The following COL3A1 variants were observed in gnomAD, a reference collection of about 807,000 sequenced individuals.
The protein encoded by COL3A1 is collagen type III alpha 1 chain, also known as collagen alpha-1(III) chain.
A neutral mutation model predicts 200.9 loss-of-function variants in COL3A1; 46 were observed. The ratio of observed to expected loss-of-function variants is 0.23; its 90% CI spans 0.18 to 0.29. The LOEUF (loss-of-function observed/expected upper bound fraction) is 0.29, where lower values mean the gene tolerates loss of function less well. Ranked by LOEUF, COL3A1 falls within the 10% of genes least tolerant of loss-of-function variation. COL3A1 has a pLI of 1.00. For missense variants in COL3A1, 1,367 were observed against 1,917.6 expected (o/e 0.71, Z 5.36); for synonymous variants, 650 against 628.0 (o/e 1.03, Z -0.52).
rs1001916364 is a variant in COL3A1 at position 188,994,813 on chromosome 2, A to G, written c.1437A>G (p.Pro479=). 18 of 1,613,484 alleles carry G rather than the reference A, an allele frequency of 1.1e-5. No individual in the cohort carries two copies. The highest frequency in any genetic ancestry group is 1.7e-5 in the Admixed American group (1 of 59,980). ...GAGAACCTGGTGCAAATGGGCTTCC[A>G]GGAGCTGCAGGAGAAAGGGTACGTT... ...SPGEPGANGL[P]GAAGERGAPG... Residue 479 remains proline, a synonymous_variant, in exon 20 of 51, where the codon CCA becomes CCG. Transcript: ENST00000304636. The surrounding 1 kb of genome is among the most constrained non-coding windows in gnomAD (Gnocchi z 4.5).
At position 188,993,341 on chromosome 2, in the gene COL3A1, A is replaced by G. The variant is rs1458026599; in HGVS notation, c.1051-20A>G. On this transcript the variant is annotated intron_variant, in intron 15 of 50. Transcript: ENST00000304636. ...GTAGAAGTGGTAAGAGAAACTGACT[A>G]CACAAGGTTTTACCATTAGGGTGAA... 5 of 1,551,190 alleles carry G rather than the reference A, an allele frequency of 3.2e-6. No individual in the cohort carries two copies. The African/African-American group carries it at 6.8e-5, about 21-fold the overall frequency.
intron 40 of COL3A1, 57 bp from the exon 41 acceptor site, chr2:189,005,293 C>G (rs1688560327): frequency 7.1e-7 from 1 of 1,399,580 alleles, no homozygotes; most frequent in Admixed American, 1.7e-5. Flanking sequence ...TCTGATAACA[C>G]CATTTTAATT....
chr2:189,010,918 C>T, intron 50 of COL3A1, 28 bp downstream of exon 50: 2 of 1,613,440 alleles, frequency 1.2e-6, no homozygotes, highest in Non-Finnish European at 1.7e-6. Context: ...CAATATAGGT[C>T]ATAAAGCAGT....
chr2:188,985,346 C>A, intron 3 of COL3A1, 99 bp downstream of exon 3: 1 of 920,218 alleles, frequency 1.1e-6, no homozygotes, highest in Non-Finnish European at 1.8e-6. Context: ...ACATTCTCTT[C>A]ATTACCACAT....
At chr2:188,990,066 C>G in intron 8 of COL3A1, 30 bp from the exon 9 acceptor site, 2 of 1,601,532 alleles carry the variant, frequency 1.2e-6, no homozygotes. Flanking sequence ...CATACATGAG[C>G]ACCTACGTAT....
At chr2:189,010,086 C>G in intron 48 of COL3A1, 92 bp from the exon 49 acceptor site, 1 of 1,229,800 alleles carries the variant, frequency 8.1e-7, no homozygotes, top group Non-Finnish European at 1.2e-6. Flanking sequence ...CATTAGCAGT[C>G]AACATTATGA....
At chr2:189,010,973 T>C (rs1244691186) in intron 50 of COL3A1, 83 bp downstream of exon 50, 5 of 1,512,230 alleles carry the variant, frequency 3.3e-6, no homozygotes, top group Non-Finnish European at 2.7e-6. Context: ...ATAGAATAAA[T>C]AAAATTAATA....
At position 189,009,021 on chromosome 2, in the gene COL3A1, T is replaced by C. The variant is rs2153504091; in HGVS notation, c.3623T>C (p.Ile1208Thr). 6.2e-7 allele frequency: 1 copy of C among 1,614,160 alleles called. No homozygotes were observed. Among genetic ancestry groups the C allele is most frequent in the Non-Finnish European group, 8.5e-7 (1 of 1,180,024 alleles). The change falls in exon 48 of 51, where the codon ATT becomes ACT. Residue 1208 changes from isoleucine (I) to threonine (T), a missense_variant. This residue lies in a region of COL3A1 where 846 missense variants were observed against 1,147.9 expected (regional missense o/e 0.74). Coordinates refer to ENST00000304636, the MANE Select transcript of COL3A1 (RefSeq NM_000090.4). ...GGVGAAAIAG[I>T]GGEKAGGFAP... is the part of the protein sequence containing the mutation. ...GTTGGAGCCGCTGCCATTGCTGGGA[T>C]TGGAGGTGAAAAAGCTGGCGGTTTT...
At chr2:188,998,403 T>G in intron 28 of COL3A1, 84 bp downstream of exon 28, 2 of 1,205,232 alleles carry the variant, frequency 1.7e-6, no homozygotes, top group South Asian at 2.6e-5. Context: ...CTTAATTTTC[T>G]TATGCCATGA....
intron 1 of COL3A1, among the ~76,000 whole-genome samples, chr2:188,976,383 A>C (rs7567045): frequency 0.071 from 10,856 of 152,132 alleles, 1,315 homozygotes; most frequent in African/African-American, 0.25. Context: ...AATAAGTATA[A>C]AATTTTGCTG....
At chr2:188,981,967 G>A (rs1687962728) in intron 1 of COL3A1, among the ~76,000 whole-genome samples, 1 of 151,604 alleles carries the variant, frequency 6.6e-6, no homozygotes, top group Non-Finnish European at 1.5e-5. Flanking sequence ...TCTCAGGAGA[G>A]CCAAATTTAT....
chr2:189,009,159 C>T lies in COL3A1; in HGVS notation c.3761C>T (p.Ser1254Phe), dbSNP rs1246367607. The change falls in exon 48 of 51, where the codon TCT becomes TTT. Residue 1254 changes from serine to phenylalanine, a missense_variant. Ser to Phe is a radical substitution (Grantham distance 155, BLOSUM62 -2). This residue lies in a region of COL3A1 where 846 missense variants were observed against 1,147.9 expected (regional missense o/e 0.74). Coordinates refer to ENST00000304636, the MANE Select transcript of COL3A1 (RefSeq NM_000090.4). Reference sequence around the variant, plus strand: ...GAAAGCCTCATTAGTCCTGATGGTTCTCGTAAAAACCCCGCTAGAAACTGC... The same window carrying T: ...GAAAGCCTCATTAGTCCTGATGGTTTTCGTAAAAACCCCGCTAGAAACTGC... ...QIESLISPDGSRKNPARNCRD... is the reference protein window; with the variant it reads ...QIESLISPDGFRKNPARNCRD... 1.2e-6 allele frequency: 2 copies of T among 1,614,196 alleles called. No homozygotes were observed. The highest frequency in any genetic ancestry group is 1.7e-5 in the Admixed American group (1 of 60,016).
chr2:188,994,447 T>G lies in COL3A1; in HGVS notation c.1294-94T>G. 1 of 1,571,934 alleles carries G rather than the reference T, an allele frequency of 6.4e-7. No individual in the cohort carries two copies. The highest frequency in any genetic ancestry group is 8.8e-7 in the Non-Finnish European group (1 of 1,142,856). ...GTTGAATTTATATTGACTTCACTCT[T>G]GTCTTATAACTTATAACTGAATTAT... On this transcript the variant is annotated intron_variant, in intron 18 of 50. Transcript: ENST00000304636. The surrounding 1 kb of genome is among the most constrained non-coding windows in gnomAD (Gnocchi z 4.5).
chr2:189,005,309 C>T (rs762235577), intron 40 of COL3A1, 41 bp from the exon 41 acceptor site: 2 of 1,534,570 alleles, frequency 1.3e-6, no homozygotes, highest in Non-Finnish European at 1.8e-6. Flanking sequence ...TAATTGATTT[C>T]TTAAGTTGAA....
Position 188,994,593 on chromosome 2 carries a change from G to A in COL3A1, c.1346G>A (p.Arg449His), listed in dbSNP as rs888082655. 9.3e-6 allele frequency: 15 copies of A among 1,613,994 alleles called. No homozygotes were observed. The highest frequency in any genetic ancestry group is 4.5e-5 in the East Asian group (2 of 44,898). The stretch of plus-strand genomic sequence containing the variant: ...GGAGAGCCCGGACCACGTGGTGAAC[G>A]CGTAAGTTTTACTGCAACAGATCTG... ...AKGEPGPRGE[R>H]GEAGIPGVPG... The change falls in exon 19 of 51, where the codon CGC becomes CAC. Residue 449 changes from arginine (R) to histidine (H), a missense_variant and splice_region_variant. Physicochemically the swap from Arg to His is conservative, Grantham distance 29 (BLOSUM62 0). Coordinates refer to ENST00000304636, the MANE Select transcript of COL3A1 (RefSeq NM_000090.4). This position sits in a 1 kb window ranked among gnomAD's most constrained non-coding sequence, Gnocchi z 4.5.
At chr2:189,009,366 A>G (rs1287216680) in intron 48 of COL3A1, 145 bp downstream of exon 48, 13 of 962,898 alleles carry the variant, frequency 1.4e-5, no homozygotes, top group East Asian at 5.2e-5. Flanking sequence ...ACTGCTTGAT[A>G]TAAAAGAGTA....
rs368765585 is a variant in COL3A1 at position 188,994,807 on chromosome 2, G to A, written c.1431G>A (p.Gly477=). ...DGSPGEPGAN[G]LPGAAGERGA... is the part of the protein sequence containing the mutation. Reference sequence around the variant, plus strand: ...CACCTGGAGAACCTGGTGCAAATGGGCTTCCAGGAGCTGCAGGAGAAAGGG... The same window carrying A: ...CACCTGGAGAACCTGGTGCAAATGGACTTCCAGGAGCTGCAGGAGAAAGGG... Residue 477 remains glycine, a synonymous_variant, in exon 20 of 51, where the codon GGG becomes GGA. Transcript: ENST00000304636. The surrounding 1 kb of genome is among the most constrained non-coding windows in gnomAD (Gnocchi z 4.5). The A allele has an allele frequency of 1.4e-5, 23 of 1,613,498 alleles. No homozygotes were observed. The highest frequency in any genetic ancestry group is 3.3e-5 in the Admixed American group (2 of 59,952).
intron 1 of COL3A1, among the ~76,000 whole-genome samples, chr2:188,983,244 A>T (rs1687991799): frequency 6.6e-6 from 1 of 151,986 alleles, no homozygotes; most frequent in East Asian, 1.9e-4. Context: ...ATTGCAATTA[A>T]AAAATGAAGC....
chr2:188,999,659 G>T (rs892850200), intron 31 of COL3A1, 82 bp downstream of exon 31: 13 of 1,461,314 alleles, frequency 8.9e-6, no homozygotes, highest in South Asian at 3.5e-5. Context: ...GAAAGTAATC[G>T]ACTGTATTTT....
Sources: gnomAD v4.1 joint callset for allele counts (sites outside exome capture counted in the v4.1 genomes callset) on GRCh38, gnomAD v4.1.1 for gene constraint, gnomAD v4.1.1 regional missense constraint, Gnocchi (gnomAD v3.1) non-coding constraint, MANE v1.5 for transcripts, NCBI Gene and HGNC (gene_info 2026-07-23, HGNC 2026-07-21) for gene names.